Variants in MALRD1 observed in about 807,000 individuals in gnomAD.
MALRD1 encodes the protein MAM and LDL-receptor class A domain-containing protein 1.
A neutral mutation model predicts 242.1 loss-of-function variants in MALRD1; 247 were observed. The ratio of observed to expected loss-of-function variants is 1.02; its 90% CI spans 0.92 to 1.13. The LOEUF is 1.13. Ranked by LOEUF, MALRD1 falls within the 50% of genes most tolerant of loss-of-function variation. The probability of loss-of-function intolerance (pLI) is 0.00; values close to 1 mark genes in which losing one functional copy is unlikely to be tolerated. For missense variants in MALRD1, 2,989 were observed against 2,533.1 expected (o/e 1.18, Z -3.86); for synonymous variants, 995 against 866.6 (o/e 1.15, Z -2.60).
At chr10:19,510,351 G>T (rs533518679) in intron 31 of MALRD1, among the ~76,000 whole-genome samples, 1 of 152,162 alleles carries the variant, frequency 6.6e-6, no homozygotes, top group Non-Finnish European at 1.5e-5. Context: ...CTTTACAGGT[G>T]TCGGGCTGGG....
chr10:19,729,191 G>C (rs1271046947), intron 38 of MALRD1, among the ~76,000 whole-genome samples: 1 of 152,172 alleles, frequency 6.6e-6, no homozygotes, highest in Non-Finnish European at 1.5e-5. Context: ...AGATTAGACT[G>C]TTAGGCTCAC....
At chr10:19,500,901 C>A (rs555764777) in intron 31 of MALRD1, among the ~76,000 whole-genome samples, 129 of 152,134 alleles carry the variant, frequency 8.5e-4, no homozygotes, top group African/African-American at 2.9e-3. Context: ...AGGCATAAAT[C>A]CCTGTCACGG....
At chr10:19,340,756 A>T (rs1033549031) in intron 24 of MALRD1, among the ~76,000 whole-genome samples, 1 of 152,146 alleles carries the variant, frequency 6.6e-6, no homozygotes, top group African/African-American at 2.4e-5. Context: ...ACTGGATGAA[A>T]TGTGCTTCAA....
chr10:19,062,123 C>T (rs928395049), intron 1 of MALRD1, among the ~76,000 whole-genome samples: 1 of 152,088 alleles, frequency 6.6e-6, no homozygotes, highest in Admixed American at 6.6e-5. Context: ...CTTGAATAGA[C>T]ATTTCTCAAA....
At chr10:19,423,262 G>T (rs919480789) in intron 28 of MALRD1, among the ~76,000 whole-genome samples, 1 of 151,732 alleles carries the variant, frequency 6.6e-6, no homozygotes, top group Non-Finnish European at 1.5e-5. Context: ...AATCCTGTTT[G>T]CTCAGTTTGA....
At chr10:19,426,018 G>C (rs1488587497) in intron 28 of MALRD1, among the ~76,000 whole-genome samples, 1 of 152,026 alleles carries the variant, frequency 6.6e-6, no homozygotes, top group Non-Finnish European at 1.5e-5. Flanking sequence ...AATAAGATGA[G>C]GGATGCTATT....
Position 19,441,416 on chromosome 10 carries a change from A to G in MALRD1, c.4846-8891A>G, listed in dbSNP as rs191959118. 6.4e-3 allele frequency among the ~76,000 whole-genome samples: 982 copies of G among 152,262 alleles called. 14 individuals are homozygous for G. Among genetic ancestry groups the G allele is most frequent in the Admixed American group, 0.024 (366 of 15,292 alleles). On this transcript the variant is annotated intron_variant, in intron 28 of 39. Transcript: ENST00000454679. ...TGTTTTAGTCATGAAGTCCTTTCCC[A>G]TGCCTATGTCCTGAATGGTATTGCC...
intron 36 of MALRD1, among the ~76,000 whole-genome samples, chr10:19,674,497 G>C (rs577302981): frequency 1.2e-4 from 18 of 152,222 alleles, no homozygotes; most frequent in African/African-American, 4.3e-4. Flanking sequence ...TCTGCAGTTG[G>C]TAGAAATTCC....
At chr10:19,369,352 A>G (rs905401233) in intron 26 of MALRD1, among the ~76,000 whole-genome samples, 1 of 143,434 alleles carries the variant, frequency 7.0e-6, no homozygotes, top group Admixed American at 7.3e-5. Flanking sequence ...TATATATTGT[A>G]TATCTGTATA....
chr10:19,708,796 G>A (rs1277131467), intron 38 of MALRD1, among the ~76,000 whole-genome samples: 1 of 121,710 alleles, frequency 8.2e-6, no homozygotes, highest in Non-Finnish European at 1.9e-5. Flanking sequence ...CGAGTACCTG[G>A]GACTACAGGC....
At chr10:19,714,653 C>T (rs1024364645) in intron 38 of MALRD1, among the ~76,000 whole-genome samples, 3 of 152,118 alleles carry the variant, frequency 2.0e-5, no homozygotes, top group East Asian at 3.9e-4. Context: ...TCCCCCTCCC[C>T]GTATCAATGT....
intron 19 of MALRD1, among the ~76,000 whole-genome samples, chr10:19,269,153 A>G (rs1274364242): frequency 1.4e-5 from 2 of 147,600 alleles, no homozygotes; most frequent in African/African-American, 2.7e-5. Context: ...ACAAAACCCT[A>G]TAAGCTTTGT....
intron 36 of MALRD1, among the ~76,000 whole-genome samples, chr10:19,671,010 C>T (rs190643098): frequency 6.6e-6 from 1 of 152,056 alleles, no homozygotes; most frequent in Admixed American, 6.5e-5. Context: ...TCCCAAGTAG[C>T]TGGGACTACA....
intron 36 of MALRD1, among the ~76,000 whole-genome samples, chr10:19,631,518 G>A (rs1839904530): frequency 6.6e-6 from 1 of 152,116 alleles, no homozygotes; most frequent in South Asian, 2.1e-4. Context: ...CCAGTAATGG[G>A]ATTGCTGGAT....
At chr10:19,396,315 T>C (rs553239932) in intron 28 of MALRD1, among the ~76,000 whole-genome samples, 101 of 152,026 alleles carry the variant, frequency 6.6e-4, no homozygotes, top group African/African-American at 2.4e-3. Context: ...TTTTGTATTT[T>C]TAGTAAAGAC....
chr10:19,162,276 T>C (rs1418144129), intron 12 of MALRD1, among the ~76,000 whole-genome samples: 6 of 150,648 alleles, frequency 4.0e-5, no homozygotes, highest in African/African-American at 1.2e-4. Context: ...TAGATTATCT[T>C]TCTTCCTCTC....
At chr10:19,515,415 A>T (rs1833579864) in intron 31 of MALRD1, among the ~76,000 whole-genome samples, 3 of 152,120 alleles carry the variant, frequency 2.0e-5, no homozygotes, top group Admixed American at 2.0e-4. Context: ...CTAACAGTTT[A>T]AACCATCTTT....
chr10:19,391,085 CTTT>C (rs1554762676), intron 28 of MALRD1, among the ~76,000 whole-genome samples: 1 of 152,028 alleles, frequency 6.6e-6, no homozygotes, highest in Non-Finnish European at 1.5e-5. Flanking sequence ...CAGTAACAAA[CTTT>C]TTATTTCTAG....
intron 38 of MALRD1, among the ~76,000 whole-genome samples, chr10:19,719,207 T>TACAC (rs1172128840): frequency 0.049 from 3,294 of 67,284 alleles, 241 homozygotes; most frequent in African/African-American, 0.18. Flanking sequence ...TATATATATA[T>TACAC]ATATACACAT....
Sources: allele counts gnomAD v4.1 joint callset (sites outside exome capture counted in the v4.1 genomes callset), GRCh38; gene constraint gnomAD v4.1.1; transcripts MANE v1.5; gene names NCBI Gene and HGNC (gene_info 2026-07-23, HGNC 2026-07-21).